The following TFAM variants were observed in gnomAD, a reference collection of about 807,000 sequenced individuals.
TFAM encodes mitochondrial transcription factor 1.
Under a neutral mutation model 30.6 loss-of-function variants are expected in TFAM, and 13 were observed. The ratio of observed to expected loss-of-function variants is 0.42; its 90% confidence interval spans 0.28 to 0.67. TFAM has a LOEUF of 0.67. Among genes scored for constraint, TFAM ranks in the 30% least tolerant of loss-of-function variants. The pLI is 0.21. For synonymous variants in TFAM, 106 were observed against 94.8 expected (o/e 1.12, Z -0.69); for missense variants, 231 against 293.7 (o/e 0.79, Z 1.56).
At chr10:58,386,370 C>CAGA in intron 2 of TFAM, 32 bp downstream of exon 2, 1 of 1,458,502 alleles carries the variant, frequency 6.9e-7, no homozygotes, top group East Asian at 2.3e-5. Context: ...ACCCTTTTCT[C>CAGA]ATGTAATAAA....
In TFAM at chr10:58,385,607, G is replaced by T. The variant is rs1161183459; in HGVS notation, c.60G>T (p.Glu20Asp). 1.9e-6 allele frequency: 3 copies of T among 1,567,364 alleles called. No homozygotes were observed. The highest frequency in any genetic ancestry group is 1.7e-6 in the Non-Finnish European group (2 of 1,155,576). Residue 20 changes from glutamate to aspartate, a missense_variant, in exon 1 of 7, where the codon GAG (glutamate) becomes GAT (aspartate). By Grantham distance (45) the Glu-to-Asp change is conservative. Transcript: ENST00000487519. ...VLSALGRSGA[E>D]LCTGCGSRLR... ...GTGCCCTGGGAAGGTCTGGAGCAGA[G>T]CTGTGCACCGGCTGTGGAAGTCGAC...
intron 3 of TFAM, 114 bp from the exon 4 acceptor site, chr10:58,388,556 C>T (rs1218839428): frequency 1.7e-6 from 2 of 1,144,676 alleles, no homozygotes; most frequent in Non-Finnish European, 2.6e-6. Context: ...GCACATTTTC[C>T]ACCTGGTGAT....
intron 4 of TFAM, among the ~76,000 whole-genome samples, chr10:58,390,277 C>T (rs1000043515): frequency 2.0e-5 from 3 of 152,006 alleles, no homozygotes; most frequent in Non-Finnish European, 4.4e-5. Flanking sequence ...CAGTTTCTTC[C>T]CTTTTGGTAA....
Position 58,395,222 on chromosome 10 carries a change from C to A in TFAM, c.*148C>A. On this transcript the variant is annotated 3_prime_UTR_variant, in exon 7 of 7. Transcript: ENST00000487519. ...TTTTATTCAGCTCATGGACTTCTGC[C>A]AGCATAATACTTGCTTTGGAAAACC... 1 of 808,612 alleles carries A rather than the reference C, an allele frequency of 1.2e-6. No homozygotes were observed. The highest frequency in any genetic ancestry group is 2.0e-6 in the Non-Finnish European group (1 of 505,224). The allele number at this position is 808,612 out of a possible 1,614,324, so 50.1% of individuals were successfully genotyped here. A position where few individuals can be genotyped will look rare whatever the true frequency, so the allele number is the denominator to read the frequency against.
chr10:58,391,446 C>A (rs1357611620), intron 5 of TFAM, among the ~76,000 whole-genome samples: 1 of 152,104 alleles, frequency 6.6e-6, no homozygotes, highest in African/African-American at 2.4e-5. Flanking sequence ...ATGTTTAGAT[C>A]CGTAACCCAT....
chr10:58,385,636 G>C lies in TFAM; in HGVS notation c.89G>C (p.Arg30Pro), dbSNP rs548586049. 2 of 1,557,152 alleles carry C rather than the reference G, an allele frequency of 1.3e-6. No homozygotes were observed. Among genetic ancestry groups the C allele is most frequent in the African/African-American group, 2.7e-5 (2 of 73,374 alleles). ...ELCTGCGSRL[R>P]SPFSFVYLPR... The stretch of plus-strand genomic sequence containing the variant: ...TGCACCGGCTGTGGAAGTCGACTGC[G>C]CTCCCCCTTCAGGTAGGCCCGCTTG... The change falls in exon 1 of 7, where the codon CGC becomes CCC. Residue 30 changes from arginine to proline, a missense_variant. By Grantham distance (103) the Arg-to-Pro change is moderately radical (BLOSUM62 -2). Coordinates refer to ENST00000487519, the MANE Select transcript of TFAM (RefSeq NM_003201.3).
intron 2 of TFAM, chr10:58,386,802 C>T (rs1183630327): frequency 1.5e-6 from 1 of 661,256 alleles, no homozygotes; most frequent in East Asian, 1.2e-4. Flanking sequence ...ACCTTTTCAT[C>T]ATAGGAGTTC....
At chr10:58,386,844 G>A (rs1840500427) in intron 2 of TFAM, 1 of 260,498 alleles carries the variant, frequency 3.8e-6, no homozygotes, top group Non-Finnish European at 6.0e-6. Context: ...TTCAGACCTC[G>A]ACCTTGCCAA....
rs73288398 is a variant in TFAM at position 58,392,322 on chromosome 10, C to G, written c.537+1462C>G. On this transcript the variant is annotated intron_variant, in intron 5 of 6. Coordinates refer to ENST00000487519, the MANE Select transcript of TFAM (RefSeq NM_003201.3). ...AAATGTAAAAATTCCTTTTCTTCTACCTTATTGTACTGCTTTTGAGAAATC... is the reference window on the plus strand; with the variant it reads ...AAATGTAAAAATTCCTTTTCTTCTAGCTTATTGTACTGCTTTTGAGAAATC... 8.9e-3 allele frequency among the ~76,000 whole-genome samples: 1,353 copies of G among 152,204 alleles called. 9 individuals carry two copies. The highest frequency in any genetic ancestry group is 0.031 in the African/African-American group (1,294 of 41,514).
At position 58,396,206 on chromosome 10, in the gene TFAM, G is replaced by A. The variant is rs1840678460; in HGVS notation, c.*1132G>A. The A allele has an allele frequency of 6.6e-6, 1 of 152,008 alleles. No individual in the cohort carries two copies. Among genetic ancestry groups the A allele is most frequent in the South Asian group, 2.1e-4 (1 of 4,836 alleles). 9.4% of individuals were successfully genotyped at this position (152,008 alleles called of 1,614,324 possible). On this transcript the variant is annotated 3_prime_UTR_variant, in exon 7 of 7. Coordinates refer to ENST00000487519, the MANE Select transcript of TFAM (RefSeq NM_003201.3). ...CAGAGTAGCTGCCACAGAAACTATA[G>A]CCCACAAAGCCTGATATTTACTGTC...
intron 2 of TFAM, among the ~76,000 whole-genome samples, chr10:58,387,385 T>C (rs1840510173): frequency 6.6e-6 from 1 of 152,212 alleles, no homozygotes. Flanking sequence ...TTTTTAAAAA[T>C]CAATTAATTG....
At chr10:58,394,666 TGC>T in intron 6 of TFAM, 1 of 642,946 alleles carries the variant, frequency 1.6e-6, no homozygotes, top group Non-Finnish European at 2.8e-6. Flanking sequence ...AGTGATACCC[TGC>T]TGCTGCCCCC....
At position 58,397,013 on chromosome 10, in the gene TFAM, G is replaced by T. The variant is rs1355881531; in HGVS notation, c.*1939G>T. 6.6e-6 allele frequency: 1 copy of T among 152,284 alleles called. No homozygotes were observed. Among genetic ancestry groups the T allele is most frequent in the Non-Finnish European group, 1.5e-5 (1 of 68,130 alleles). The allele number at this position is 152,284 out of a possible 1,614,324, so 9.4% of individuals were successfully genotyped here. On this transcript the variant is annotated 3_prime_UTR_variant, in exon 7 of 7. Coordinates refer to ENST00000487519, the MANE Select transcript of TFAM (RefSeq NM_003201.3). Reference sequence around the variant, plus strand: ...GGAGTAGGGGGAAAGAGAAGGAGGTGTGCTAGTGTCTATCACAGGCTTTCT... The same window carrying T: ...GGAGTAGGGGGAAAGAGAAGGAGGTTTGCTAGTGTCTATCACAGGCTTTCT...
chr10:58,388,371 T>C lies in TFAM; in HGVS notation c.291+111T>C, dbSNP rs1460912645. On this transcript the variant is annotated intron_variant, in intron 3 of 6. Coordinates refer to ENST00000487519, the MANE Select transcript of TFAM (RefSeq NM_003201.3). ...AGACTTTTTAAAAAATAATCTGTTA[T>C]CTACAAAGAAACTTTATGTCTTCTC... 6.4e-6 allele frequency: 6 copies of C among 939,042 alleles called. No individual in the cohort carries two copies. In the East Asian group the frequency reaches 7.4e-5, roughly 12 times the overall value. 58.2% of individuals were successfully genotyped at this position (939,042 alleles called of 1,614,324 possible).
intron 5 of TFAM, among the ~76,000 whole-genome samples, chr10:58,392,578 A>G (rs1160235105): frequency 6.6e-6 from 1 of 151,720 alleles, no homozygotes; most frequent in South Asian, 2.1e-4. Context: ...TTAGTATGGT[A>G]CCATTTCCCT....
Position 58,399,090 on chromosome 10 carries a change from G to T in TFAM, c.*4016G>T, listed in dbSNP as rs550531597. 2 of 152,080 alleles carry T rather than the reference G, an allele frequency of 1.3e-5. No homozygotes were observed. The highest frequency in any genetic ancestry group is 3.9e-4 in the East Asian group (2 of 5,186). The allele number at this position is 152,080 out of a possible 1,614,324, so 9.4% of individuals were successfully genotyped here. ...ATTGATTAAATCACTTACTATATTC[G>T]ATATGAAATATATAAAACATACAAC... On this transcript the variant is annotated 3_prime_UTR_variant, in exon 7 of 7. Transcript: ENST00000487519.
Position 58,396,557 on chromosome 10 carries a change from C to T in TFAM, c.*1483C>T, listed in dbSNP as rs1415908289. The T allele has an allele frequency of 6.6e-6, 1 of 152,134 alleles. No individual in the cohort carries two copies. The highest frequency in any genetic ancestry group is 2.4e-5 in the African/African-American group (1 of 41,414). The allele number at this position is 152,134 out of a possible 1,614,324, so 9.4% of individuals were successfully genotyped here. A position where few individuals can be genotyped will look rare whatever the true frequency, so the allele number is the denominator to read the frequency against. ...ATGTACTTTTTCCAGTAGCACATAT[C>T]ACAAGAACCTCACTGTAGTTGAAAG... On this transcript the variant is annotated 3_prime_UTR_variant, in exon 7 of 7. Transcript: ENST00000487519.
At chr10:58,393,259 G>A (rs547722774) in intron 5 of TFAM, among the ~76,000 whole-genome samples, 107 of 152,068 alleles carry the variant, frequency 7.0e-4, no homozygotes, top group Non-Finnish European at 1.4e-3. Context: ...GATTACAGGC[G>A]TGAGCCACCA....
chr10:58,390,268 A>G (rs182212372), intron 4 of TFAM, among the ~76,000 whole-genome samples: 12 of 152,298 alleles, frequency 7.9e-5, no homozygotes, highest in Non-Finnish European at 1.2e-4. Flanking sequence ...TCTTTTCCAC[A>G]GTTTCTTCCC....
Sources: allele counts gnomAD v4.1 joint callset (sites outside exome capture counted in the v4.1 genomes callset), GRCh38; gene constraint gnomAD v4.1.1; transcripts MANE v1.5; gene names NCBI Gene and HGNC (gene_info 2026-07-23, HGNC 2026-07-21).